ANKRD26: variants seen among roughly 807,000 people sequenced by gnomAD.
ANKRD26 encodes ankyrin repeat domain 26, also known as ankyrin repeat domain-containing protein 26.
A neutral mutation model predicts 208.7 loss-of-function variants in ANKRD26; 141 were observed. The ratio of observed to expected loss-of-function variants is 0.68; its 90% confidence interval spans 0.59 to 0.78. The LOEUF is 0.78. Among genes scored for constraint, ANKRD26 ranks in the 30% least tolerant of loss-of-function variants. The pLI, the probability that ANKRD26 is intolerant of heterozygous loss-of-function variation, is 0.00. For synonymous variants in ANKRD26, 636 were observed against 660.4 expected, an observed-to-expected ratio of 0.96 and a Z score of 0.57; for missense variants, 1,889 against 1,938.7, an observed-to-expected ratio of 0.97 and a Z score of 0.48.
At chr10:27,009,685 T>G (rs879365014) in intron 32 of ANKRD26, among the ~76,000 whole-genome samples, 2 of 152,144 alleles carry the variant, frequency 1.3e-5, no homozygotes, top group Non-Finnish European at 2.9e-5. Flanking sequence ...TACTAATCTC[T>G]TACGCTAATA....
At chr10:27,060,639 G>A in intron 13 of ANKRD26, 99 bp from the exon 14 acceptor site, 1 of 919,388 alleles carries the variant, frequency 1.1e-6, no homozygotes, top group South Asian at 1.6e-5. Context: ...ATCACGCTTG[G>A]TTTGAAAATG....
the ANKRD26 span, among the ~76,000 whole-genome samples, chr10:26,965,707 G>A: frequency 6.6e-6 from 1 of 152,042 alleles, no homozygotes; most frequent in East Asian, 1.9e-4. Flanking sequence ...CTACAGAATG[G>A]GAGAAAATTT....
downstream of ANKRD26, among the ~76,000 whole-genome samples, chr10:26,999,724 T>C (rs1038632845): frequency 2.7e-5 from 4 of 149,988 alleles, no homozygotes; most frequent in African/African-American, 4.9e-5. Flanking sequence ...TGCTCTTTTT[T>C]CCTTTGGAGT....
Position 27,017,626 on chromosome 10 carries a change from AG to A in ANKRD26, c.4381del (p.Leu1461Ter). On this transcript the variant is annotated frameshift_variant, in exon 30 of 34. Transcript: ENST00000376087. LOFTEE classifies it high-confidence loss of function. ...CATATTCCTTTCTATATGACTTCTC[AG>A]GTTGATCACTTCTTGTTCCAACTTC... is the stretch of plus-strand genomic sequence containing the variant. ...KKKLEQEVIN[L>X]RSHIERNMVE... 6.2e-7 allele frequency: 1 copy of A among 1,613,654 alleles called. No homozygotes were observed. Among genetic ancestry groups the A allele is most frequent in the African/African-American group, 1.3e-5 (1 of 75,026 alleles).
At position 27,048,857 on chromosome 10, in the gene ANKRD26, C is replaced by A. The variant is rs763541038; in HGVS notation, c.1758G>T (p.Lys586Asn). The change falls in exon 17 of 34, where the codon AAG (lysine) becomes AAT (asparagine). Residue 586 changes from lysine (K) to asparagine (N), a missense_variant. Around this residue, in one of 3 missense-constraint regions of ANKRD26, gnomAD observed 1,272 missense variants for 1,273.8 expected, o/e 1.00. Transcript: ENST00000376087. ...DDDDGLIQKR[K>N]SGETDHQQFP... ...ATTGCTGATGATCAGTTTCTCCACT[C>A]TTTCTTTTTTGAATTAATCCATCAT... 11 of 1,613,180 alleles carry A rather than the reference C, an allele frequency of 6.8e-6. No homozygotes were observed. The highest frequency in any genetic ancestry group is 9.3e-6 in the Non-Finnish European group (11 of 1,179,678).
At chr10:26,999,401 ATAT>A (rs931982413), downstream of ANKRD26, among the ~76,000 whole-genome samples, 14 of 152,118 alleles carry the variant, frequency 9.2e-5, no homozygotes, top group African/African-American at 3.4e-4. Context: ...TCTCCTTCAG[ATAT>A]TATTAAGTCA....
chr10:26,971,831 G>C (rs1400191364), downstream of ANKRD26, among the ~76,000 whole-genome samples: 2 of 152,128 alleles, frequency 1.3e-5, no homozygotes, highest in Non-Finnish European at 2.9e-5. Context: ...GGTGTCATCT[G>C]CATCATACCA....
intron 3 of ANKRD26, among the ~76,000 whole-genome samples, chr10:27,092,990 G>C (rs1408034860): frequency 6.6e-6 from 1 of 152,134 alleles, no homozygotes; most frequent in Non-Finnish European, 1.5e-5. Context: ...GGCTGAGGCA[G>C]GAGAATTGCT....
chr10:27,049,895 A>C (rs1294675597), intron 16 of ANKRD26, among the ~76,000 whole-genome samples: 1 of 152,178 alleles, frequency 6.6e-6, no homozygotes, highest in East Asian at 1.9e-4. Flanking sequence ...ATGCCATAGC[A>C]GGGTGTGGGA....
Position 27,079,238 on chromosome 10 carries a change from A to G in ANKRD26, c.741-77T>C, listed in dbSNP as rs2135590375. The G allele has an allele frequency of 3.9e-6, 5 of 1,266,706 alleles. No individual in the cohort carries two copies. The East Asian group carries it at 9.3e-5, about 24-fold the overall frequency. 78.5% of individuals were successfully genotyped at this position (1,266,706 alleles called of 1,614,324 possible). A position where few individuals can be genotyped will look rare whatever the true frequency, so the allele number is the denominator to read the frequency against. On this transcript the variant is annotated intron_variant, in intron 6 of 33. Coordinates refer to ENST00000376087, the MANE Select transcript of ANKRD26 (RefSeq NM_014915.3). ...AACAAAAACCAGCTTACAATTTTCAATCTGGATGCCCCCTCCAAAAAAACA... is the reference window on the plus strand; with the variant it reads ...AACAAAAACCAGCTTACAATTTTCAGTCTGGATGCCCCCTCCAAAAAAACA...
the ANKRD26 span, among the ~76,000 whole-genome samples, chr10:26,961,956 C>T: frequency 2.0e-5 from 3 of 152,068 alleles, no homozygotes; most frequent in Admixed American, 6.6e-5. Flanking sequence ...ACAAGAACCA[C>T]GGGATTTTAG....
chr10:27,086,390 T>C, intron 5 of ANKRD26, 149 bp downstream of exon 5: 1 of 1,020,946 alleles, frequency 9.8e-7, no homozygotes, highest in East Asian at 3.0e-5. Context: ...AATTCTGAAT[T>C]CTAGATTACC....
chr10:26,978,794 T>C (rs1225606227), intron 5 of ANKRD26, among the ~76,000 whole-genome samples: 1 of 152,216 alleles, frequency 6.6e-6, no homozygotes, highest in Admixed American at 6.5e-5. Context: ...GTAATCACCG[T>C]TGGACAGAGA....
In ANKRD26 at chr10:27,093,390, T is replaced by C; in HGVS notation, c.490A>G (p.Lys164Glu). The C allele has an allele frequency of 6.2e-7, 1 of 1,614,158 alleles. No individual in the cohort carries two copies. Among genetic ancestry groups the C allele is most frequent in the East Asian group, 2.2e-5 (1 of 44,878 alleles). The change falls in exon 3 of 34, where the codon AAG becomes GAG. Residue 164 changes from lysine (K) to glutamate (E), a missense_variant. Physicochemically the swap from Lys to Glu is moderately conservative, Grantham distance 56 (BLOSUM62 1). Around this residue, in one of 3 missense-constraint regions of ANKRD26, gnomAD observed 1,272 missense variants for 1,273.8 expected, o/e 1.00. Transcript: ENST00000376087. Reference protein sequence around the residue: ...VYNEDISVATKLLLYDANIEA... With the variant: ...VYNEDISVATELLLYDANIEA... ...ATATTTGCATCATACAAAAGCAGCT[T>C]TGTTGCTACTGATATGTCCTCATTA...
At position 27,005,602 on chromosome 10, in the gene ANKRD26, A is replaced by T; in HGVS notation, c.5121T>A (p.Asn1707Lys). The T allele has an allele frequency of 6.2e-7, 1 of 1,610,716 alleles. No homozygotes were observed. The change falls in exon 34 of 34, where the codon AAT becomes AAA. Residue 1707 changes from asparagine to lysine, a missense_variant. By Grantham distance (94) the Asn-to-Lys change is moderately conservative. Coordinates refer to ENST00000376087, the MANE Select transcript of ANKRD26 (RefSeq NM_014915.3). ...AAAATCTTATCTTTCAGATCATATAATTTTTCTTTAAAACCTGTACATATT... is the reference window on the plus strand; with the variant it reads ...AAAATCTTATCTTTCAGATCATATATTTTTTCTTTAAAACCTGTACATATT... ...SREYVQVLKK[N>K]YMI
chr10:27,074,456 G>C (rs1238439570), intron 9 of ANKRD26, among the ~76,000 whole-genome samples: 1 of 152,202 alleles, frequency 6.6e-6, no homozygotes, highest in African/African-American at 2.4e-5. Flanking sequence ...CAAGGTGGGT[G>C]GATCGCTTGA....
chr10:27,080,641 C>G (rs1159483323), intron 6 of ANKRD26: 3 of 985,300 alleles, frequency 3.0e-6, no homozygotes, highest in Admixed American at 6.1e-5. Flanking sequence ...CTATAAGCTC[C>G]CACTTACAGA....
At chr10:27,091,173 A>G (rs553197717) in intron 4 of ANKRD26, among the ~76,000 whole-genome samples, 2 of 152,360 alleles carry the variant, frequency 1.3e-5, no homozygotes, top group South Asian at 4.1e-4. Context: ...AGCGTGGGCT[A>G]GGCACTGAAT....
At position 27,012,958 on chromosome 10, in the gene ANKRD26, A is replaced by G. The variant is rs1181347623; in HGVS notation, c.4877T>C (p.Ile1626Thr). Residue 1626 changes from isoleucine to threonine, a missense_variant, in exon 32 of 34, where the codon ATT becomes ACT. Transcript: ENST00000376087. ...NNSLDLNRKLIPRENLVISTS... is the reference protein window; with the variant it reads ...NNSLDLNRKLTPRENLVISTS... ...AGAGATCACTAAGTTTTCTCTTGGA[A>G]TAAGTTTTCTGTTGAGATCTAAACT... is the stretch of plus-strand genomic sequence containing the variant. The G allele has an allele frequency of 3.1e-6, 5 of 1,614,002 alleles. No homozygotes were observed. In the African/African-American group the frequency reaches 5.3e-5, roughly 17 times the overall value.
Sources: allele counts gnomAD v4.1 joint callset (sites outside exome capture counted in the v4.1 genomes callset), GRCh38; gene constraint gnomAD v4.1.1; regional missense constraint gnomAD v4.1.1; transcripts MANE v1.5; gene names NCBI Gene and HGNC (gene_info 2026-07-23, HGNC 2026-07-21).